LY86: variants seen among roughly 807,000 people sequenced by gnomAD.
LY86 encodes the protein MD-1, RP105-associated.
A neutral mutation model predicts 17.3 loss-of-function variants in LY86; 20 were observed. That is an observed-to-expected ratio of 1.15 (90% CI 0.81 to 1.68). The LOEUF (loss-of-function observed/expected upper bound fraction) is 1.68, where lower values mean the gene tolerates loss of function less well. LY86 is among the 40% of genes most tolerant of loss of function. The probability of loss-of-function intolerance (pLI) is 0.00; values close to 1 mark genes in which losing one functional copy is unlikely to be tolerated. For missense variants in LY86, 200 were observed against 191.9 expected, an observed-to-expected ratio of 1.04 and a Z score of -0.25; for synonymous variants, 74 against 70.6, an observed-to-expected ratio of 1.05 and a Z score of -0.24.
chr6:6,603,603 C>CAACAAAACA lies in LY86; in HGVS notation c.136+14734_136+14735insACAAAACAA, dbSNP rs1207511602. ...CCAAAGCCAAAAACAAAAACAGAAA[C>CAACAAAACA]AGAAAAAAAAACAAACAAAAAAAAA... On this transcript the variant is annotated intron_variant, in intron 1 of 4. Transcript: ENST00000230568. 2.8e-5 allele frequency among the ~76,000 whole-genome samples: 2 copies of CAACAAAACA among 70,464 alleles called. 1 individual carries two copies. Among genetic ancestry groups the CAACAAAACA allele is most frequent in the South Asian group, 8.4e-4 (2 of 2,368 alleles). 46.2% of individuals were successfully genotyped at this position (70,464 alleles called of 152,430 possible).
chr6:6,614,454 C>G (rs1383093288), intron 1 of LY86, among the ~76,000 whole-genome samples: 1 of 151,860 alleles, frequency 6.6e-6, no homozygotes, highest in Admixed American at 6.6e-5. Context: ...GCACAGAGCT[C>G]CCGCGAGCCT....
At chr6:6,592,342 G>A (rs746846832) in intron 1 of LY86, among the ~76,000 whole-genome samples, 2 of 152,142 alleles carry the variant, frequency 1.3e-5, no homozygotes, top group Non-Finnish European at 2.9e-5. Context: ...AGGGCCTTGG[G>A]TTTGCTAAAT....
intron 1 of LY86, among the ~76,000 whole-genome samples, chr6:6,619,311 A>G (rs1003337717): frequency 9.2e-5 from 14 of 152,256 alleles, no homozygotes; most frequent in Non-Finnish European, 1.8e-4. Context: ...ATGCAGAGGA[A>G]TATCTGCTAC....
intron 1 of LY86, among the ~76,000 whole-genome samples, chr6:6,600,494 G>A (rs185624053): frequency 6.7e-6 from 1 of 148,588 alleles, no homozygotes; most frequent in African/African-American, 2.5e-5. Flanking sequence ...AGAGGCTGAG[G>A]CAGGGGAATC....
At chr6:6,609,522 G>A (rs530466577) in intron 1 of LY86, among the ~76,000 whole-genome samples, 1 of 152,102 alleles carries the variant, frequency 6.6e-6, no homozygotes, top group South Asian at 2.1e-4. Context: ...TTCCTTCAAG[G>A]GCCTCTCAGT....
At chr6:6,619,565 G>A (rs938862895) in intron 1 of LY86, among the ~76,000 whole-genome samples, 1 of 152,232 alleles carries the variant, frequency 6.6e-6, no homozygotes, top group South Asian at 2.1e-4. Context: ...CCTGTGGCTG[G>A]TAAGGTCTCC....
chr6:6,652,771 C>T (rs114410713), intron 4 of LY86, among the ~76,000 whole-genome samples: 80 of 152,324 alleles, frequency 5.3e-4, no homozygotes, highest in Non-Finnish European at 8.2e-4. Context: ...CAGCCTGGCA[C>T]GCTTGCCTAA....
Position 6,590,377 on chromosome 6 carries a change from C to T in LY86, c.136+1507C>T, listed in dbSNP as rs144550358. The stretch of plus-strand genomic sequence containing the variant: ...CGTGTTCCTGGTGGGCTGGGCAGCA[C>T]GAGATTTCATCATGCTACTCAGGAG... On this transcript the variant is annotated intron_variant, in intron 1 of 4. Transcript: ENST00000230568. 3.1e-3 allele frequency among the ~76,000 whole-genome samples: 478 copies of T among 152,198 alleles called. 4 individuals are homozygous for T. The highest frequency in any genetic ancestry group is 1.0e-2 in the African/African-American group (414 of 41,498).
intron 1 of LY86, among the ~76,000 whole-genome samples, chr6:6,610,299 TC>T (rs1475422118): frequency 1.3e-5 from 2 of 152,158 alleles, no homozygotes; most frequent in African/African-American, 4.8e-5. Context: ...TTGTGTAGCT[TC>T]CTATGTCTAT....
Position 6,613,438 on chromosome 6 carries a change from C to T in LY86, c.137-11488C>T, listed in dbSNP as rs568513783. ...CTGCAGGTCCTGAGCCCTGCCGCGC[C>T]GGGAGGCAGCCAAGGCCCGGTGAGA... On this transcript the variant is annotated intron_variant, in intron 1 of 4. Coordinates refer to ENST00000230568, the MANE Select transcript of LY86 (RefSeq NM_004271.4). Among the ~76,000 whole-genome samples, 80 of 152,312 alleles carry T rather than the reference C, an allele frequency of 5.3e-4. No individual in the cohort carries two copies. In the South Asian group the frequency reaches 8.1e-3, roughly 15 times the overall value.
At chr6:6,620,247 A>G (rs573366721) in intron 1 of LY86, among the ~76,000 whole-genome samples, 3 of 152,314 alleles carry the variant, frequency 2.0e-5, no homozygotes, top group African/African-American at 7.2e-5. Context: ...TCCATGTAAG[A>G]TCTTACCATG....
chr6:6,612,399 G>C (rs1261915640), intron 1 of LY86, among the ~76,000 whole-genome samples: 1 of 152,148 alleles, frequency 6.6e-6, no homozygotes, highest in African/African-American at 2.4e-5. Flanking sequence ...TCCCCCAGTG[G>C]GTACCTAGTC....
chr6:6,619,915 G>C (rs998864998), intron 1 of LY86, among the ~76,000 whole-genome samples: 5 of 151,846 alleles, frequency 3.3e-5, no homozygotes, highest in Admixed American at 2.0e-4. Flanking sequence ...AAAGGGAGGG[G>C]GAGAAAGACT....
chr6:6,602,747 A>G (rs748132962), intron 1 of LY86, among the ~76,000 whole-genome samples: 3 of 152,162 alleles, frequency 2.0e-5, no homozygotes, highest in Non-Finnish European at 2.9e-5. Flanking sequence ...GTATTGATCT[A>G]TCAACTCCCA....
intron 3 of LY86, among the ~76,000 whole-genome samples, chr6:6,646,276 G>T (rs1234252240): frequency 6.6e-6 from 1 of 152,008 alleles, no homozygotes; most frequent in Non-Finnish European, 1.5e-5. Context: ...TCAGATTCAA[G>T]CCCAGATAGT....
chr6:6,593,278 T>C (rs558025341), intron 1 of LY86, among the ~76,000 whole-genome samples: 4 of 152,362 alleles, frequency 2.6e-5, no homozygotes, highest in African/African-American at 7.2e-5. Flanking sequence ...GTGTAGCATC[T>C]TGCTTCCTTC....
chr6:6,599,382 A>AC (rs1405286407), intron 1 of LY86, among the ~76,000 whole-genome samples: 2 of 152,106 alleles, frequency 1.3e-5, no homozygotes, highest in African/African-American at 4.8e-5. Context: ...CCCTTAACCT[A>AC]CCCTCTAGCA....
At chr6:6,599,147 A>C (rs1202109988) in intron 1 of LY86, among the ~76,000 whole-genome samples, 3 of 152,192 alleles carry the variant, frequency 2.0e-5, no homozygotes, top group Non-Finnish European at 4.4e-5. Context: ...GGAATCTCCA[A>C]ATAACTAAGA....
In LY86 at chr6:6,598,679, G is replaced by A. The variant is rs143413440; in HGVS notation, c.136+9809G>A. 2.7e-3 allele frequency among the ~76,000 whole-genome samples: 415 copies of A among 152,256 alleles called. 1 individual carries two copies. The highest frequency in any genetic ancestry group is 4.0e-3 in the Non-Finnish European group (271 of 68,004). On this transcript the variant is annotated intron_variant, in intron 1 of 4. Coordinates refer to ENST00000230568, the MANE Select transcript of LY86 (RefSeq NM_004271.4). ...GCTCTTTAAGTTGTGCTAAGTCAGT[G>A]TCTTGTAACTCATTGTCCCACCCTT...
Sources: gnomAD v4.1 joint callset for allele counts (sites outside exome capture counted in the v4.1 genomes callset) on GRCh38, gnomAD v4.1.1 for gene constraint, MANE v1.5 for transcripts, NCBI Gene and HGNC (gene_info 2026-07-23, HGNC 2026-07-21) for gene names.